The following PAG1 variants were observed in gnomAD, a reference collection of about 807,000 sequenced individuals.
PAG1 encodes the protein phosphoprotein associated with glycosphingolipid-enriched microdomains 1.
PAG1 carries 23 observed loss-of-function variants against 31.7 expected under a neutral mutation model. The ratio of observed to expected loss-of-function variants is 0.73; its 90% CI spans 0.52 to 1.03. The LOEUF is 1.03. Ranked by LOEUF, PAG1 falls within the 50% of genes least tolerant of loss-of-function variation. PAG1 has a pLI of 0.00. For missense variants in PAG1, 473 were observed against 540.7 expected, an observed-to-expected ratio of 0.87 and a Z score of 1.24; for synonymous variants, 214 against 210.3, an observed-to-expected ratio of 1.02 and a Z score of -0.15.
At chr8:81,035,294 C>T (rs527372275) in intron 2 of PAG1, among the ~76,000 whole-genome samples, 4 of 152,244 alleles carry the variant, frequency 2.6e-5, no homozygotes, top group South Asian at 4.2e-4. Flanking sequence ...CTTGGTTACA[C>T]AGACACAGAA....
intron 3 of PAG1, among the ~76,000 whole-genome samples, chr8:81,019,503 G>A (rs1808126300): frequency 6.6e-6 from 1 of 152,240 alleles, no homozygotes; most frequent in Non-Finnish European, 1.5e-5. Context: ...TCCAGCCATG[G>A]CTAAAAGGGG....
Position 80,968,383 on chromosome 8 carries a change from G to A in PAG1, c.*8161C>T, listed in dbSNP as rs940734504. ...CTCGAGGTCACATAGTAAAGTCAAT[G>A]CTGGAACAGGGACCACAGCCCTGTG... On this transcript the variant is annotated 3_prime_UTR_variant, in exon 9 of 9. Transcript: ENST00000220597. 1 of 152,218 alleles carries A rather than the reference G, an allele frequency of 6.6e-6. No homozygotes were observed. Among genetic ancestry groups the A allele is most frequent in the South Asian group, 2.1e-4 (1 of 4,830 alleles). 9.4% of individuals were successfully genotyped at this position (152,218 alleles called of 1,614,324 possible).
chr8:81,092,347 G>T (rs1329320820), intron 1 of PAG1, among the ~76,000 whole-genome samples: 2 of 152,136 alleles, frequency 1.3e-5, no homozygotes, highest in Non-Finnish European at 2.9e-5. Flanking sequence ...TCACTCCACT[G>T]CAGTCCAGTG....
rs1420997192 is a variant in PAG1 at position 80,973,363 on chromosome 8, A to G, written c.*3181T>C. Reference sequence around the variant, plus strand: ...ATTGAGACTATTTCAGAAAGTAGACACACTAAAAACATTTGACAAATTAAA... The same window carrying G: ...ATTGAGACTATTTCAGAAAGTAGACGCACTAAAAACATTTGACAAATTAAA... On this transcript the variant is annotated 3_prime_UTR_variant, in exon 9 of 9. Coordinates refer to ENST00000220597, the MANE Select transcript of PAG1 (RefSeq NM_018440.4). 6.6e-6 allele frequency: 1 copy of G among 152,214 alleles called. No homozygotes were observed. The highest frequency in any genetic ancestry group is 2.4e-5 in the African/African-American group (1 of 41,456). The allele number at this position is 152,214 out of a possible 1,614,324, so 9.4% of individuals were successfully genotyped here.
chr8:80,992,496 G>C (rs1479256836), intron 4 of PAG1, among the ~76,000 whole-genome samples: 1 of 152,138 alleles, frequency 6.6e-6, no homozygotes. Context: ...CATCACTTCT[G>C]GTTAGAAAGA....
At chr8:80,979,702 T>C (rs1421393537) in intron 8 of PAG1, among the ~76,000 whole-genome samples, 1 of 152,188 alleles carries the variant, frequency 6.6e-6, no homozygotes, top group African/African-American at 2.4e-5. Flanking sequence ...CACAATTTAC[T>C]CTGCTAGGAA....
At chr8:81,038,111 G>A (rs1808492447) in intron 2 of PAG1, among the ~76,000 whole-genome samples, 1 of 152,214 alleles carries the variant, frequency 6.6e-6, no homozygotes, top group Non-Finnish European at 1.5e-5. Context: ...CACTCAAGGG[G>A]TTATGGGGTT....
chr8:80,972,772 C>T lies in PAG1; in HGVS notation c.*3772G>A, dbSNP rs1458006712. On this transcript the variant is annotated 3_prime_UTR_variant, in exon 9 of 9. Coordinates refer to ENST00000220597, the MANE Select transcript of PAG1 (RefSeq NM_018440.4). ...TAAATTAGAGCAACTCAAGGTTTTC[C>T]TGTAATTACCAAATGAAACTGATTG... 6.6e-6 allele frequency: 1 copy of T among 152,132 alleles called. No homozygotes were observed. The highest frequency in any genetic ancestry group is 1.9e-4 in the East Asian group (1 of 5,190). The allele number at this position is 152,132 out of a possible 1,614,324, so 9.4% of individuals were successfully genotyped here. A position where few individuals can be genotyped will look rare whatever the true frequency, so the allele number is the denominator to read the frequency against.
chr8:81,020,412 G>C (rs1241852759), intron 3 of PAG1, among the ~76,000 whole-genome samples: 1 of 152,178 alleles, frequency 6.6e-6, no homozygotes, highest in African/African-American at 2.4e-5. Context: ...TGTGGACCTG[G>C]TGGGAAGAGA....
chr8:81,086,012 C>G (rs1243836554), intron 1 of PAG1, among the ~76,000 whole-genome samples: 3 of 98,214 alleles, frequency 3.1e-5, no homozygotes, highest in African/African-American at 1.4e-4. Flanking sequence ...GACGGAGTCT[C>G]GCTCTGTCGC....
At chr8:80,992,153 G>A (rs1586149530) in intron 4 of PAG1, among the ~76,000 whole-genome samples, 1 of 152,006 alleles carries the variant, frequency 6.6e-6, no homozygotes, top group Non-Finnish European at 1.5e-5. Flanking sequence ...ACAGAAGCAG[G>A]CCGTCCAGGC....
At chr8:81,045,053 C>T (rs1808618754) in intron 2 of PAG1, among the ~76,000 whole-genome samples, 2 of 152,188 alleles carry the variant, frequency 1.3e-5, no homozygotes, top group Non-Finnish European at 2.9e-5. Flanking sequence ...GAAAGCAGAG[C>T]CATTCAACAT....
chr8:80,985,485 T>A, intron 6 of PAG1, 108 bp from the exon 7 acceptor site: 1 of 1,171,136 alleles, frequency 8.5e-7, no homozygotes, highest in Non-Finnish European at 1.2e-6. Context: ...TGCTTTTTAT[T>A]TAAGTCTCAG....
chr8:80,987,050 A>C (rs1807438844), intron 6 of PAG1, among the ~76,000 whole-genome samples: 2 of 152,220 alleles, frequency 1.3e-5, no homozygotes, highest in African/African-American at 4.8e-5. Flanking sequence ...AGGAGTAATA[A>C]TACCTATCTT....
chr8:81,063,298 C>A (rs1015815317), intron 2 of PAG1, among the ~76,000 whole-genome samples: 1 of 151,964 alleles, frequency 6.6e-6, no homozygotes. Flanking sequence ...AAGTGGCAGG[C>A]CCACAAAAGA....
At chr8:80,994,915 T>G (rs140973576) in intron 3 of PAG1, among the ~76,000 whole-genome samples, 1 of 152,360 alleles carries the variant, frequency 6.6e-6, no homozygotes, top group East Asian at 1.9e-4. Flanking sequence ...AATAGTGCAA[T>G]ATCTTCTTTG....
At chr8:81,045,362 T>C (rs1248521426) in intron 2 of PAG1, among the ~76,000 whole-genome samples, 2 of 152,192 alleles carry the variant, frequency 1.3e-5, no homozygotes, top group South Asian at 2.1e-4. Context: ...GATTTTGCCA[T>C]CAGCTACTGC....
In PAG1 at chr8:80,971,967, C is replaced by G. The variant is rs758236615; in HGVS notation, c.*4577G>C. On this transcript the variant is annotated 3_prime_UTR_variant, in exon 9 of 9. Coordinates refer to ENST00000220597, the MANE Select transcript of PAG1 (RefSeq NM_018440.4). ...TCTCTTTAAGTTAAACACTTTCAGTCTAAGTGTGTTCAACTGGCCTAAAGC... is the reference window on the plus strand; with the variant it reads ...TCTCTTTAAGTTAAACACTTTCAGTGTAAGTGTGTTCAACTGGCCTAAAGC... 6.6e-6 allele frequency: 1 copy of G among 152,162 alleles called. No homozygotes were observed. The highest frequency in any genetic ancestry group is 2.4e-5 in the African/African-American group (1 of 41,426). The allele number at this position is 152,162 out of a possible 1,614,324, so 9.4% of individuals were successfully genotyped here.
intron 1 of PAG1, among the ~76,000 whole-genome samples, chr8:81,081,486 TA>T: frequency 6.6e-6 from 1 of 152,138 alleles, no homozygotes; most frequent in Admixed American, 6.6e-5. Flanking sequence ...ACATTACAAC[TA>T]AGGTAAACAC....
Sources: gnomAD v4.1 joint callset for allele counts (sites outside exome capture counted in the v4.1 genomes callset) on GRCh38, gnomAD v4.1.1 for gene constraint, MANE v1.5 for transcripts, NCBI Gene and HGNC (gene_info 2026-07-23, HGNC 2026-07-21) for gene names.